The following ZFPM2 variants were observed in gnomAD, a reference collection of about 807,000 sequenced individuals.
ZFPM2 encodes the protein zinc finger protein, FOG family member 2.
ZFPM2 carries 20 observed loss-of-function variants against 98.6 expected under a neutral mutation model. That is an observed-to-expected ratio of 0.20 (90% CI 0.14 to 0.29). ZFPM2 has a LOEUF of 0.29. Ranked by LOEUF, ZFPM2 falls within the 10% of genes least tolerant of loss-of-function variation. The pLI is 1.00. For missense variants in ZFPM2, 1,310 were observed against 1,388.6 expected (o/e 0.94, Z 0.90); for synonymous variants, 518 against 502.7 (o/e 1.03, Z -0.41).
At chr8:105,334,893 G>A (rs1487699979) in intron 1 of ZFPM2, among the ~76,000 whole-genome samples, 1 of 151,382 alleles carries the variant, frequency 6.6e-6, no homozygotes, top group Non-Finnish European at 1.5e-5. Context: ...AAGTGTTCTC[G>A]TGGGCAGTAG....
chr8:105,346,693 G>A (rs1812544031), intron 1 of ZFPM2, among the ~76,000 whole-genome samples: 1 of 152,114 alleles, frequency 6.6e-6, no homozygotes, highest in African/African-American at 2.4e-5. Flanking sequence ...CTTTTATGTA[G>A]GACAGGGATA....
At chr8:105,527,997 C>T (rs1268345230) in intron 3 of ZFPM2, among the ~76,000 whole-genome samples, 1 of 152,016 alleles carries the variant, frequency 6.6e-6, no homozygotes, top group Admixed American at 6.6e-5. Context: ...GTTGTGTTGA[C>T]AAAGATAGAT....
intron 5 of ZFPM2, among the ~76,000 whole-genome samples, chr8:105,783,746 T>C (rs1018609553): frequency 6.6e-6 from 1 of 152,162 alleles, no homozygotes; most frequent in African/African-American, 2.4e-5. Context: ...AATATTCAGT[T>C]GTATGTGTAG....
At chr8:105,653,774 C>A (rs1178760129) in intron 5 of ZFPM2, among the ~76,000 whole-genome samples, 1 of 149,142 alleles carries the variant, frequency 6.7e-6, no homozygotes, top group Non-Finnish European at 1.5e-5. Flanking sequence ...AAACACAGAG[C>A]ATGAGCGTAT....
chr8:105,801,009 CAT>C (rs1491419377), intron 7 of ZFPM2, 36 bp from the exon 8 acceptor site: 38 of 1,563,806 alleles, frequency 2.4e-5, no homozygotes, highest in Middle Eastern at 3.4e-4. Flanking sequence ...AACCAACACA[CAT>C]GTTTCTCATT....
chr8:105,526,895 C>G (rs1370624866), intron 3 of ZFPM2, among the ~76,000 whole-genome samples: 2 of 152,126 alleles, frequency 1.3e-5, no homozygotes, highest in Non-Finnish European at 2.9e-5. Flanking sequence ...GGGTCTCATC[C>G]TGTCCTTCAC....
At chr8:105,727,352 A>T (rs549255535) in intron 5 of ZFPM2, among the ~76,000 whole-genome samples, 1 of 151,790 alleles carries the variant, frequency 6.6e-6, no homozygotes, top group African/African-American at 2.4e-5. Flanking sequence ...ATACAGACAT[A>T]GATAAATAAA....
intron 6 of ZFPM2, among the ~76,000 whole-genome samples, chr8:105,790,385 C>G (rs1052757323): frequency 7.2e-5 from 11 of 152,264 alleles, no homozygotes; most frequent in African/African-American, 2.4e-4. Context: ...TGTCAAAGAT[C>G]AGATAGATAG....
chr8:105,769,645 T>C (rs1256495854), intron 5 of ZFPM2, among the ~76,000 whole-genome samples: 1 of 152,084 alleles, frequency 6.6e-6, no homozygotes, highest in Non-Finnish European at 1.5e-5. Context: ...GATCATGAAC[T>C]TGTGTTTTTT....
At chr8:105,360,514 G>A (rs1205762166) in intron 1 of ZFPM2, among the ~76,000 whole-genome samples, 4 of 152,010 alleles carry the variant, frequency 2.6e-5, no homozygotes, top group African/African-American at 4.8e-5. Context: ...GGGTACATGC[G>A]CACAATGTGC....
At chr8:105,561,702 G>A (rs1247250110) in intron 4 of ZFPM2, among the ~76,000 whole-genome samples, 1 of 152,142 alleles carries the variant, frequency 6.6e-6, no homozygotes, top group Non-Finnish European at 1.5e-5. Context: ...ATACTAAATT[G>A]TGGCTAGTAA....
chr8:105,531,548 T>C (rs147073665), intron 3 of ZFPM2, among the ~76,000 whole-genome samples: 2 of 152,312 alleles, frequency 1.3e-5, no homozygotes, highest in East Asian at 3.9e-4. Flanking sequence ...GCTTAACTAA[T>C]TACGTCTGCA....
intron 5 of ZFPM2, among the ~76,000 whole-genome samples, chr8:105,784,220 A>C (rs889818334): frequency 5.9e-5 from 9 of 152,208 alleles, no homozygotes; most frequent in African/African-American, 2.2e-4. Flanking sequence ...ATTGTAAATT[A>C]AAGCGGGCCA....
intron 3 of ZFPM2, among the ~76,000 whole-genome samples, chr8:105,559,772 A>T (rs1815088432): frequency 1.3e-5 from 2 of 152,202 alleles, no homozygotes; most frequent in African/African-American, 4.8e-5. Flanking sequence ...AATTGAACTC[A>T]GGTTGGCAGT....
intron 3 of ZFPM2, among the ~76,000 whole-genome samples, chr8:105,530,489 T>C (rs940087023): frequency 7.2e-5 from 11 of 152,158 alleles, no homozygotes; most frequent in East Asian, 1.9e-4. Context: ...GGTGACGTCA[T>C]GGTCAAGTTC....
intron 3 of ZFPM2, among the ~76,000 whole-genome samples, chr8:105,531,114 G>C (rs2130582536): frequency 6.6e-6 from 1 of 152,176 alleles, no homozygotes; most frequent in Middle Eastern, 3.4e-3. Flanking sequence ...CCAATGATAT[G>C]GGTTACCAAG....
chr8:105,754,999 C>T (rs190556158), intron 5 of ZFPM2, among the ~76,000 whole-genome samples: 2 of 151,100 alleles, frequency 1.3e-5, no homozygotes, highest in East Asian at 2.0e-4. Context: ...TGCGCATGTG[C>T]GCATGCGTGT....
chr8:105,449,953 G>T (rs1438626873), intron 3 of ZFPM2, among the ~76,000 whole-genome samples: 5 of 151,956 alleles, frequency 3.3e-5, no homozygotes, highest in Non-Finnish European at 5.9e-5. Context: ...AAATGATTTT[G>T]CAATGTAAAA....
At chr8:105,629,959 T>G (rs1442270281) in intron 4 of ZFPM2, among the ~76,000 whole-genome samples, 2 of 152,200 alleles carry the variant, frequency 1.3e-5, no homozygotes, top group African/African-American at 2.4e-5. Flanking sequence ...GTACAAAAAG[T>G]TAATCACCTC....
Sources: allele counts gnomAD v4.1 joint callset (sites outside exome capture counted in the v4.1 genomes callset), GRCh38; gene constraint gnomAD v4.1.1; transcripts MANE v1.5; gene names NCBI Gene and HGNC (gene_info 2026-07-23, HGNC 2026-07-21).